SLC9A5: variants seen among roughly 807,000 people sequenced by gnomAD.
The protein encoded by SLC9A5 is sodium/hydrogen exchanger 5.
A neutral mutation model predicts 91.7 loss-of-function variants in SLC9A5; 52 were observed. The observed-to-expected ratio is 0.57, with a 90% CI of 0.45 to 0.71. The LOEUF (loss-of-function observed/expected upper bound fraction) is 0.71, where lower values mean the gene tolerates loss of function less well. Ranked by LOEUF, SLC9A5 falls within the 30% of genes least tolerant of loss-of-function variation. SLC9A5 has a pLI of 0.00. For synonymous variants in SLC9A5, 419 were observed against 474.5 expected (o/e 0.88, Z 1.52); for missense variants, 871 against 1,158.9 (o/e 0.75, Z 3.61).
intron 1 of SLC9A5, among the ~76,000 whole-genome samples, chr16:67,250,081 T>C (rs2035056147): frequency 6.6e-6 from 1 of 152,198 alleles, no homozygotes; most frequent in South Asian, 2.1e-4. Flanking sequence ...CCATGGATGC[T>C]GGCACAGCCT....
chr16:67,264,323 T>G, intron 12 of SLC9A5, 29 bp from the exon 13 acceptor site: 3 of 1,609,732 alleles, frequency 1.9e-6, no homozygotes, highest in Non-Finnish European at 2.5e-6. Context: ...GCATCCATCC[T>G]CATAGCCAGG....
Position 67,257,279 on chromosome 16 carries a change from G to A in SLC9A5, c.1336-66G>A, listed in dbSNP as rs575223089. ...GGTACTGAAGCTGAAGCCTCATTAC[G>A]GGGAGAGAAAGGCAGCAGGGAACTG... On this transcript the variant is annotated intron_variant, in intron 7 of 15. Coordinates refer to ENST00000299798, the MANE Select transcript of SLC9A5 (RefSeq NM_004594.3). The surrounding 1 kb of genome is among the most constrained non-coding windows in gnomAD (Gnocchi z 5.1). 8.2e-5 allele frequency: 120 copies of A among 1,464,390 alleles called. No individual in the cohort carries two copies. In the African/African-American group the frequency reaches 1.2e-3, roughly 15 times the overall value. The allele number at this position is 1,464,390 out of a possible 1,614,324, so 90.7% of individuals were successfully genotyped here.
At chr16:67,259,737 AT>A in intron 11 of SLC9A5, 76 bp downstream of exon 11, 1 of 1,592,584 alleles carries the variant, frequency 6.3e-7, no homozygotes, top group Non-Finnish European at 8.6e-7. Context: ...TCTGGGGGAG[AT>A]TTGTCAGCAC....
Position 67,270,566 on chromosome 16 carries a change from G to A in SLC9A5, c.2219-172G>A, listed in dbSNP as rs184021307. On this transcript the variant is annotated intron_variant, in intron 15 of 15. Transcript: ENST00000299798. The surrounding 1 kb of genome is among the most constrained non-coding windows in gnomAD (Gnocchi z 4.3). ...GCCCGGCCCTGTGCTAGGTGTTGGG[G>A]ATAGAGTGGAGAGTAAAACAAGCTG... is the stretch of plus-strand genomic sequence containing the variant. 2.6e-4 allele frequency among the ~76,000 whole-genome samples: 39 copies of A among 152,320 alleles called. No homozygotes were observed. Among genetic ancestry groups the A allele is most frequent in the Non-Finnish European group, 5.0e-4 (34 of 68,022 alleles).
At chr16:67,251,403 CTTTTTTTTTT>C (rs939453669) in intron 1 of SLC9A5, among the ~76,000 whole-genome samples, 21 of 64,806 alleles carry the variant, frequency 3.2e-4, no homozygotes, top group South Asian at 1.4e-3. Context: ...AGTAGATTGT[CTTTTTTTTTT>C]TTTTTTTTTT....
intron 2 of SLC9A5, among the ~76,000 whole-genome samples, chr16:67,254,363 A>G (rs1368826663): frequency 6.6e-6 from 1 of 152,202 alleles, no homozygotes; most frequent in Non-Finnish European, 1.5e-5. Flanking sequence ...AGTTATTATT[A>G]CTGTTGCTAC....
chr16:67,260,551 G>A (rs1175516480), intron 12 of SLC9A5, among the ~76,000 whole-genome samples: 1 of 152,124 alleles, frequency 6.6e-6, no homozygotes, highest in Non-Finnish European at 1.5e-5. Context: ...GGAAGATGGA[G>A]TGAAATATTG....
rs77895006 is a variant in SLC9A5 at position 67,252,451 on chromosome 16, A to T, written c.188-91A>T. On this transcript the variant is annotated intron_variant, in intron 1 of 15. Coordinates refer to ENST00000299798, the MANE Select transcript of SLC9A5 (RefSeq NM_004594.3). This position sits in a 1 kb window ranked among gnomAD's most constrained non-coding sequence, Gnocchi z 4.0. ...GGCAACAGAGTGAGACTTCATCTCA[A>T]AAAAAAAAAAACAAAACTGGGAGTT... is the stretch of plus-strand genomic sequence containing the variant. The T allele has an allele frequency of 1.3e-5, 15 of 1,148,210 alleles. No individual in the cohort carries two copies. In the African/African-American group the frequency reaches 2.2e-4, roughly 17 times the overall value. The allele number at this position is 1,148,210 out of a possible 1,614,324, so 71.1% of individuals were successfully genotyped here.
intron 12 of SLC9A5, chr16:67,262,203 G>A (rs1567415570): frequency 2.2e-6 from 1 of 448,726 alleles, no homozygotes; most frequent in Admixed American, 2.4e-5. Flanking sequence ...ACATAAACAT[G>A]TTGAACAGGA....
In SLC9A5 at chr16:67,252,459, A is replaced by G; in HGVS notation, c.188-83A>G. ...AGTGAGACTTCATCTCAAAAAAAAA[A>G]AAACAAAACTGGGAGTTCATAGGCC... On this transcript the variant is annotated intron_variant, in intron 1 of 15. Transcript: ENST00000299798. The surrounding 1 kb of genome is among the most constrained non-coding windows in gnomAD (Gnocchi z 4.0). The G allele has an allele frequency of 7.6e-7, 1 of 1,314,988 alleles. No individual in the cohort carries two copies. The highest frequency in any genetic ancestry group is 1.0e-6 in the Non-Finnish European group (1 of 960,562). The allele number at this position is 1,314,988 out of a possible 1,614,324, so 81.5% of individuals were successfully genotyped here. A position where few individuals can be genotyped will look rare whatever the true frequency, so the allele number is the denominator to read the frequency against.
At position 67,257,657 on chromosome 16, in the gene SLC9A5, G is replaced by A; in HGVS notation, c.1496+56G>A. ...AGCAGCAGCCCCACCAGCCAGGGAA[G>A]CATGGGGGATGTGCCACACTTCTGA... is the stretch of plus-strand genomic sequence containing the variant. On this transcript the variant is annotated intron_variant, in intron 9 of 15. Transcript: ENST00000299798. This position sits in a 1 kb window ranked among gnomAD's most constrained non-coding sequence, Gnocchi z 5.1. 2 of 1,562,212 alleles carry A rather than the reference G, an allele frequency of 1.3e-6. No individual in the cohort carries two copies. The highest frequency in any genetic ancestry group is 1.8e-6 in the Non-Finnish European group (2 of 1,133,428).
intron 15 of SLC9A5, among the ~76,000 whole-genome samples, chr16:67,267,081 GTT>G (rs980874306): frequency 1.0e-4 from 5 of 47,758 alleles, no homozygotes; most frequent in Non-Finnish European, 1.2e-4. Context: ...CCCAGCTGTT[GTT>G]TTTTTTTTTT....
Position 67,257,333 on chromosome 16 carries a change from G to A in SLC9A5, c.1336-12G>A, listed in dbSNP as rs752872797. On this transcript the variant is annotated splice_polypyrimidine_tract_variant and intron_variant, in intron 7 of 15. Coordinates refer to ENST00000299798, the MANE Select transcript of SLC9A5 (RefSeq NM_004594.3). This position sits in a 1 kb window ranked among gnomAD's most constrained non-coding sequence, Gnocchi z 5.1. ...AGGAATAGGGCAGGGCTCACCTCCT[G>A]CCTGTCCATAGGGCTTGACCATCAA... is the stretch of plus-strand genomic sequence containing the variant. 242 of 1,611,502 alleles carry A rather than the reference G, an allele frequency of 1.5e-4. 2 individuals carry two copies. The Admixed American group carries it at 4.0e-3, about 27-fold the overall frequency.
Position 67,266,080 on chromosome 16 carries a change from C to G in SLC9A5, c.2081-8C>G, listed in dbSNP as rs2035689538. The G allele has an allele frequency of 6.2e-7, 1 of 1,611,204 alleles. No individual in the cohort carries two copies. Among genetic ancestry groups the G allele is most frequent in the Non-Finnish European group, 8.5e-7 (1 of 1,178,864 alleles). On this transcript the variant is annotated splice_polypyrimidine_tract_variant and splice_region_variant and intron_variant, in intron 14 of 15. Coordinates refer to ENST00000299798, the MANE Select transcript of SLC9A5 (RefSeq NM_004594.3). ...AGGATGCCTGACTCTGCTCTTGTCT[C>G]TGTCCAGCTGCTGTGATATTAACCG...
chr16:67,264,534 C>A lies in SLC9A5; in HGVS notation c.2013+12C>A. On this transcript the variant is annotated intron_variant, in intron 13 of 15. Coordinates refer to ENST00000299798, the MANE Select transcript of SLC9A5 (RefSeq NM_004594.3). The stretch of plus-strand genomic sequence containing the variant: ...CTGGCCGCAGGAAGGCATGTCTTCC[C>A]TCAGGGACTCCTCTTGGGAGCTGGA... 1 of 1,613,528 alleles carries A rather than the reference C, an allele frequency of 6.2e-7. No homozygotes were observed. The highest frequency in any genetic ancestry group is 1.1e-5 in the South Asian group (1 of 91,070).
rs1490265236 is a variant in SLC9A5 at position 67,264,390 on chromosome 16, T to C, written c.1881T>C (p.Asp627=). Residue 627 remains aspartate, a synonymous_variant, in exon 13 of 16, where the codon GAT becomes GAC. Transcript: ENST00000299798. ...ASCSRHFISE[D]AQERQDKEVF... ...GCAGTCGCCACTTCATCTCAGAGGATGCGCAGGAGCGGCAGGACAAGGAGG... is the reference window on the plus strand; with the variant it reads ...GCAGTCGCCACTTCATCTCAGAGGACGCGCAGGAGCGGCAGGACAAGGAGG... The C allele has an allele frequency of 4.3e-6, 7 of 1,614,126 alleles. No homozygotes were observed. The highest frequency in any genetic ancestry group is 5.9e-6 in the Non-Finnish European group (7 of 1,180,016).
At chr16:67,259,361 CAAAA>C (rs764650700) in intron 10 of SLC9A5, among the ~76,000 whole-genome samples, 7 of 43,362 alleles carry the variant, frequency 1.6e-4, no homozygotes, top group South Asian at 1.6e-3. Context: ...GACTCTGTCT[CAAAA>C]AAAAAAAAAA....
Position 67,256,906 on chromosome 16 carries a change from T to C in SLC9A5, c.1133-5T>C. The C allele has an allele frequency of 6.2e-7, 1 of 1,613,362 alleles. No homozygotes were observed. Reference sequence around the variant, plus strand: ...TTGCTCCCACTGGCCTCCCTCCCGCTGTAGGCGTAGTCCTGCAGACCTGGG... The same window carrying C: ...TTGCTCCCACTGGCCTCCCTCCCGCCGTAGGCGTAGTCCTGCAGACCTGGG... On this transcript the variant is annotated splice_region_variant and splice_polypyrimidine_tract_variant and intron_variant, in intron 6 of 15. Coordinates refer to ENST00000299798, the MANE Select transcript of SLC9A5 (RefSeq NM_004594.3). The surrounding 1 kb of genome is among the most constrained non-coding windows in gnomAD (Gnocchi z 4.1).
Position 67,256,022 on chromosome 16 carries a change from C to T in SLC9A5, c.911+92C>T. ...GGACACAGGCAGGAACTTCAGGAGT[C>T]CATAGGTTTCCCTGAGCCCTTGTGG... On this transcript the variant is annotated intron_variant, in intron 5 of 15. Transcript: ENST00000299798. This position sits in a 1 kb window ranked among gnomAD's most constrained non-coding sequence, Gnocchi z 4.1. 1 of 1,360,018 alleles carries T rather than the reference C, an allele frequency of 7.4e-7. No homozygotes were observed. Among genetic ancestry groups the T allele is most frequent in the Non-Finnish European group, 1.0e-6 (1 of 993,554 alleles). 84.2% of individuals were successfully genotyped at this position (1,360,018 alleles called of 1,614,324 possible).
Sources: gnomAD v4.1 joint callset for allele counts (sites outside exome capture counted in the v4.1 genomes callset) on GRCh38, gnomAD v4.1.1 for gene constraint, Gnocchi (gnomAD v3.1) non-coding constraint, MANE v1.5 for transcripts, NCBI Gene and HGNC (gene_info 2026-07-23, HGNC 2026-07-21) for gene names.